The following ARHGEF4 variants were observed in gnomAD, a reference collection of about 807,000 sequenced individuals.
ARHGEF4 encodes Rho guanine nucleotide exchange factor 4.
A neutral mutation model predicts 162.0 loss-of-function variants in ARHGEF4; 119 were observed. That is an observed-to-expected ratio of 0.73 (90% CI 0.63 to 0.86). ARHGEF4 has a LOEUF of 0.86. Ranked by LOEUF, ARHGEF4 falls within the 40% of genes least tolerant of loss-of-function variation. The pLI, the probability that ARHGEF4 is intolerant of heterozygous loss-of-function variation, is 0.00. For missense variants in ARHGEF4, 2,488 were observed against 2,456.0 expected (o/e 1.01, Z -0.28); for synonymous variants, 1,014 against 979.9 (o/e 1.03, Z -0.65).
At position 131,027,935 on chromosome 2, in the gene ARHGEF4, C is replaced by T; in HGVS notation, c.3986-10C>T. 1 of 1,613,618 alleles carries T rather than the reference C, an allele frequency of 6.2e-7. No individual in the cohort carries two copies. On this transcript the variant is annotated splice_polypyrimidine_tract_variant and intron_variant, in intron 4 of 13. Coordinates refer to ENST00000409359, the MANE Select transcript of ARHGEF4 (RefSeq NM_001367493.1). ...AGCCCCCTTTGCCCAGCTGCTGTCT[C>T]TCCTTCCAGCCATGCCTGATGGAGC... is the stretch of plus-strand genomic sequence containing the variant.
At chr2:131,011,619 A>T in intron 4 of ARHGEF4, 1 of 1,530,464 alleles carries the variant, frequency 6.5e-7, no homozygotes, top group Admixed American at 2.0e-5. Context: ...CGTTCCTGGT[A>T]GCTTCTCTCA....
intron 2 of ARHGEF4, among the ~76,000 whole-genome samples, chr2:130,927,457 C>T (rs1320195423): frequency 6.6e-6 from 1 of 152,192 alleles, no homozygotes; most frequent in Non-Finnish European, 1.5e-5. Context: ...TGACCCATGA[C>T]AGGTGAGGTT....
chr2:130,950,159 G>T (rs1180631718), intron 4 of ARHGEF4, among the ~76,000 whole-genome samples: 1 of 152,180 alleles, frequency 6.6e-6, no homozygotes, highest in African/African-American at 2.4e-5. Context: ...ATGAGTCAGC[G>T]CCTAGAGGCT....
rs186990457 is a variant in ARHGEF4, at chr2:130,922,294, C to T, written c.3552+4796C>T. ...GCTGAGGCAGGAGAATCGCTTGAAC[C>T]CAGGAGGTGGAGGTTGCGGCGAGCC... On this transcript the variant is annotated intron_variant, in intron 2 of 13. Transcript: ENST00000409359. Among the ~76,000 whole-genome samples the T allele has an allele frequency of 2.1e-3, 326 of 151,848 alleles. 2 individuals are homozygous for T. Among genetic ancestry groups the T allele is most frequent in the African/African-American group, 7.5e-3 (309 of 41,460 alleles).
chr2:130,921,814 C>T (rs1245656051), intron 2 of ARHGEF4, among the ~76,000 whole-genome samples: 1 of 152,000 alleles, frequency 6.6e-6, no homozygotes, highest in Non-Finnish European at 1.5e-5. Flanking sequence ...GCCTCAGCCT[C>T]CCAAGTAGCT....
At chr2:131,016,529 G>A (rs1688785923) in intron 4 of ARHGEF4, among the ~76,000 whole-genome samples, 1 of 152,262 alleles carries the variant, frequency 6.6e-6, no homozygotes, top group Non-Finnish European at 1.5e-5. Flanking sequence ...CTTTAGAGAA[G>A]TTTCTCAAAG....
intron 7 of ARHGEF4, 32 bp from the exon 8 acceptor site, chr2:131,040,229 G>C: frequency 6.2e-7 from 1 of 1,609,822 alleles, no homozygotes; most frequent in East Asian, 2.2e-5. Flanking sequence ...TGGGGACCCG[G>C]TCGGGGGAGG....
chr2:131,016,176 C>A (rs1437502410), intron 4 of ARHGEF4, among the ~76,000 whole-genome samples: 1 of 152,154 alleles, frequency 6.6e-6, no homozygotes, highest in African/African-American at 2.4e-5. Context: ...CTGACACCTC[C>A]CAACGTGCCC....
intron 4 of ARHGEF4, among the ~76,000 whole-genome samples, chr2:130,960,673 G>A (rs1684572800): frequency 6.6e-6 from 1 of 152,106 alleles, no homozygotes; most frequent in Admixed American, 6.5e-5. Flanking sequence ...TCTTTTAATA[G>A]TATCAGAAGT....
Position 130,883,670 on chromosome 2 carries a change from G to T in ARHGEF4, c.40-30316G>T, listed in dbSNP as rs192808967. On this transcript the variant is annotated intron_variant, in intron 1 of 13. Transcript: ENST00000409359. ...CCAGGGGCAGGGCCCACGCATGTCT[G>T]CAGGGGCAGTGGGTGGGACAGGCAG... Among the ~76,000 whole-genome samples the T allele has an allele frequency of 2.0e-5, 3 of 152,272 alleles. No homozygotes were observed. The East Asian group carries it at 5.8e-4, about 29-fold the overall frequency.
chr2:131,000,343 A>G lies in ARHGEF4; in HGVS notation c.3986-27602A>G, dbSNP rs372057108. 1.6e-3 allele frequency among the ~76,000 whole-genome samples: 247 copies of G among 152,152 alleles called. 1 individual carries two copies. The highest frequency in any genetic ancestry group is 5.8e-3 in the African/African-American group (241 of 41,500). ...GCACTGTTGTATTTGATTAGCTAATATTTTGTTCGGGATTTTGTATCTATT... is the reference window on the plus strand; with the variant it reads ...GCACTGTTGTATTTGATTAGCTAATGTTTTGTTCGGGATTTTGTATCTATT... On this transcript the variant is annotated intron_variant, in intron 4 of 13. Transcript: ENST00000409359.
At chr2:130,987,770 T>A (rs4563272) in intron 4 of ARHGEF4, among the ~76,000 whole-genome samples, 2 of 152,038 alleles carry the variant, frequency 1.3e-5, no homozygotes, top group African/African-American at 4.8e-5. Flanking sequence ...AAGGCCAGGG[T>A]GGCTGTGGGA....
intron 5 of ARHGEF4, among the ~76,000 whole-genome samples, chr2:131,033,702 G>A (rs1690026754): frequency 6.6e-6 from 1 of 152,136 alleles, no homozygotes; most frequent in Non-Finnish European, 1.5e-5. Flanking sequence ...TGACAGCTTG[G>A]GGGAGCAAAC....
chr2:130,920,766 T>C (rs933103696), intron 2 of ARHGEF4, among the ~76,000 whole-genome samples: 1 of 152,242 alleles, frequency 6.6e-6, no homozygotes, highest in East Asian at 1.9e-4. Flanking sequence ...GTTGTTTACT[T>C]CTAGATTTCT....
At chr2:130,935,685 C>A (rs1190911464) in intron 3 of ARHGEF4, among the ~76,000 whole-genome samples, 2 of 152,076 alleles carry the variant, frequency 1.3e-5, no homozygotes, top group African/African-American at 4.8e-5. Context: ...GTATTAATTT[C>A]CATATATTTG....
At chr2:130,855,229 C>T (rs145860050) in intron 1 of ARHGEF4, among the ~76,000 whole-genome samples, 1 of 152,134 alleles carries the variant, frequency 6.6e-6, no homozygotes, top group Non-Finnish European at 1.5e-5. Flanking sequence ...CTTAAGGGTA[C>T]TGCCAAAAAC....
At chr2:131,035,669 G>T in intron 5 of ARHGEF4, 5 of 987,794 alleles carry the variant, frequency 5.1e-6, no homozygotes, top group Non-Finnish European at 4.8e-6. Flanking sequence ...GGGCACCGCT[G>T]CGCATGTTAC....
At chr2:130,975,114 A>G (rs996820869) in intron 4 of ARHGEF4, among the ~76,000 whole-genome samples, 8 of 152,240 alleles carry the variant, frequency 5.3e-5, no homozygotes, top group Non-Finnish European at 8.8e-5. Context: ...TGAGGGCCGC[A>G]GTCCAGGACA....
chr2:130,945,144 G>A lies in ARHGEF4; in HGVS notation c.3859-1365G>A, dbSNP rs140057027. Among the ~76,000 whole-genome samples the A allele has an allele frequency of 1.9e-3, 288 of 152,048 alleles. 3 individuals are homozygous for A. Among genetic ancestry groups the A allele is most frequent in the African/African-American group, 6.5e-3 (271 of 41,484 alleles). Reference sequence around the variant, plus strand: ...ACTCATACAGCTTGGGGGTAAGTGCGGGAACTCATACACAACATTATGGGA... The same window carrying A: ...ACTCATACAGCTTGGGGGTAAGTGCAGGAACTCATACACAACATTATGGGA... On this transcript the variant is annotated intron_variant, in intron 3 of 13. Coordinates refer to ENST00000409359, the MANE Select transcript of ARHGEF4 (RefSeq NM_001367493.1).
Sources: allele counts gnomAD v4.1 joint callset (sites outside exome capture counted in the v4.1 genomes callset), GRCh38; gene constraint gnomAD v4.1.1; transcripts MANE v1.5; gene names NCBI Gene and HGNC (gene_info 2026-07-23, HGNC 2026-07-21).